Variants in GLYCTK observed in about 807,000 individuals in gnomAD.
The protein encoded by GLYCTK is glycerate kinase.
GLYCTK carries 22 observed loss-of-function variants against 24.8 expected under a neutral mutation model. The ratio of observed to expected loss-of-function variants is 0.89; its 90% CI spans 0.63 to 1.27. The LOEUF is 1.27. Ranked by LOEUF, GLYCTK falls within the 50% of genes most tolerant of loss-of-function variation. The probability of loss-of-function intolerance (pLI) is 0.00; values close to 1 mark genes in which losing one functional copy is unlikely to be tolerated. For synonymous variants in GLYCTK, 320 were observed against 297.2 expected, an observed-to-expected ratio of 1.08 and a Z score of -0.79; for missense variants, 684 against 686.7, an observed-to-expected ratio of 1.00 and a Z score of 0.04.
chr3:52,293,428 T>C lies in GLYCTK; in HGVS notation c.*302T>C, dbSNP rs750509932. 1 of 623,778 alleles carries C rather than the reference T, an allele frequency of 1.6e-6. No individual in the cohort carries two copies. Among genetic ancestry groups the C allele is most frequent in the South Asian group, 1.5e-5 (1 of 66,082 alleles). The allele number at this position is 623,778 out of a possible 1,614,324, so 38.6% of individuals were successfully genotyped here. ...TCTCTTGAGCCCCTCACCCTGTTTCTTTCTGTGAAGCGAGAATGTCTGAAA... is the reference window on the plus strand; with the variant it reads ...TCTCTTGAGCCCCTCACCCTGTTTCCTTCTGTGAAGCGAGAATGTCTGAAA... On this transcript the variant is annotated 3_prime_UTR_variant, in exon 5 of 5. Transcript: ENST00000436784.
Position 52,291,851 on chromosome 3 carries a change from T to G in GLYCTK, c.634T>G (p.Leu212Val). The G allele has an allele frequency of 6.2e-7, 1 of 1,613,696 alleles. No individual in the cohort carries two copies. The highest frequency in any genetic ancestry group is 1.1e-5 in the South Asian group (1 of 91,070). Residue 212 changes from leucine (L) to valine (V), a missense_variant, in exon 4 of 5, where the codon TTG becomes GTG. Coordinates refer to ENST00000436784, the MANE Select transcript of GLYCTK (RefSeq NM_145262.4). ...AGCCCGTGGAGCCACCATCCAGGAG[T>G]TGAACACCATTCGGAAGGCCCTGTC... ...LAARGATIQE[L>V]NTIRKALSQL...
Position 52,290,294 on chromosome 3 carries a change from T to A in GLYCTK, c.-39-10T>A, listed in dbSNP as rs769953777. ...CTTGCAAGGGCCTCAGTTGTGCTTT[T>A]TCCCTCTAGGCAGCCATGGGTGCCA... On this transcript the variant is annotated splice_polypyrimidine_tract_variant and intron_variant, in intron 1 of 4. Coordinates refer to ENST00000436784, the MANE Select transcript of GLYCTK (RefSeq NM_145262.4). 1 of 1,579,838 alleles carries A rather than the reference T, an allele frequency of 6.3e-7. No individual in the cohort carries two copies. Among genetic ancestry groups the A allele is most frequent in the Admixed American group, 1.7e-5 (1 of 58,982 alleles).
Position 52,291,891 on chromosome 3 carries a change from G to C in GLYCTK, c.674G>C (p.Gly225Ala). The change falls in exon 4 of 5, where the codon GGG (glycine) becomes GCG (alanine). Residue 225 changes from glycine to alanine, a missense_variant. Physicochemically the swap from Gly to Ala is moderately conservative, Grantham distance 60. Transcript: ENST00000436784. ...AAGGCCCTGTCCCAGCTCAAGGGTGGGGGGCTGGCTCAGGCCGCCTACCCT... is the reference window on the plus strand; with the variant it reads ...AAGGCCCTGTCCCAGCTCAAGGGTGCGGGGCTGGCTCAGGCCGCCTACCCT... Reference protein sequence around the residue: ...IRKALSQLKGGGLAQAAYPAQ... With the variant: ...IRKALSQLKGAGLAQAAYPAQ... 6.2e-7 allele frequency: 1 copy of C among 1,613,532 alleles called. No individual in the cohort carries two copies. The highest frequency in any genetic ancestry group is 8.5e-7 in the Non-Finnish European group (1 of 1,179,896).
intron 1 of GLYCTK, chr3:52,288,735 G>A (rs1209847504): frequency 6.6e-6 from 1 of 152,140 alleles, no homozygotes; most frequent in Non-Finnish European, 1.5e-5. Flanking sequence ...CTGGGAAATA[G>A]ATACAAATTT....
At chr3:52,291,703 G>A in intron 3 of GLYCTK, 44 bp from the exon 4 acceptor site, 1 of 1,593,730 alleles carries the variant, frequency 6.3e-7, no homozygotes. Context: ...TGGTTCCCTG[G>A]GTTGGGATAG....
intron 1 of GLYCTK, chr3:52,289,981 C>G: frequency 3.2e-6 from 1 of 314,364 alleles, no homozygotes; most frequent in Non-Finnish European, 6.0e-6. Flanking sequence ...ATTACTCCCT[C>G]TGTCAATGAT....
At chr3:52,290,760 A>T in intron 2 of GLYCTK, 41 bp downstream of exon 2, 1 of 1,601,476 alleles carries the variant, frequency 6.2e-7, no homozygotes, top group Non-Finnish European at 8.5e-7. Flanking sequence ...ATCTATCTGG[A>T]GGGAAACCTG....
Position 52,293,171 on chromosome 3 carries a change from C to G in GLYCTK, c.*45C>G. ...GGAGTTCAGAGGAGGCCTACAAGGG[C>G]AAGGTCAGATGGCAGAGCAAGGTTG... On this transcript the variant is annotated 3_prime_UTR_variant, in exon 5 of 5. Transcript: ENST00000436784. The G allele has an allele frequency of 6.2e-7, 1 of 1,607,748 alleles. No homozygotes were observed. Among genetic ancestry groups the G allele is most frequent in the Non-Finnish European group, 8.5e-7 (1 of 1,177,888 alleles).
rs1700447090 is a variant in GLYCTK at position 52,290,951 on chromosome 3, C to T, written c.378-9C>T. On this transcript the variant is annotated splice_polypyrimidine_tract_variant and intron_variant, in intron 2 of 4. Transcript: ENST00000436784. The stretch of plus-strand genomic sequence containing the variant: ...CCCATCTCTTGCGTGCTGACCTTTC[C>T]CTCCCCAGGGAGATGCTGCTGAAGC... 2 of 1,613,902 alleles carry T rather than the reference C, an allele frequency of 1.2e-6. No homozygotes were observed. Among genetic ancestry groups the T allele is most frequent in the Admixed American group, 1.7e-5 (1 of 59,998 alleles).
chr3:52,290,220 G>A, intron 1 of GLYCTK, 84 bp from the exon 2 acceptor site: 1 of 1,140,766 alleles, frequency 8.8e-7, no homozygotes, highest in Admixed American at 2.5e-5. Context: ...GGGGTCCACT[G>A]GCCCTGAGCC....
rs1256791616 is a variant in GLYCTK at position 52,290,984 on chromosome 3, C to T, written c.402C>T (p.Ser134=). ...GGGAGATGCTGCTGAAGCCACATAG[C>T]CGTGTCCAGGTATTCGAGGGTGCGG... ...GKQEMLLKPH[S]RVQVFEGAED... Residue 134 remains serine, a synonymous_variant, in exon 3 of 5, where the codon AGC becomes AGT. Transcript: ENST00000436784. 5 of 1,613,998 alleles carry T rather than the reference C, an allele frequency of 3.1e-6. No individual in the cohort carries two copies. The highest frequency in any genetic ancestry group is 4.2e-6 in the Non-Finnish European group (5 of 1,180,040).
chr3:52,292,637 A>T lies in GLYCTK; in HGVS notation c.1083A>T (p.Pro361=). The change falls in exon 5 of 5, where the codon CCA becomes CCT. Residue 361 remains proline (P), a synonymous_variant. Coordinates refer to ENST00000436784, the MANE Select transcript of GLYCTK (RefSeq NM_145262.4). ...LAHVARTRLT[P]SMAGASVEED... ...ATGTGGCTAGAACCCGCCTCACCCCATCCATGGCTGGGGCTTCTGTGGAGG... is the reference window on the plus strand; with the variant it reads ...ATGTGGCTAGAACCCGCCTCACCCCTTCCATGGCTGGGGCTTCTGTGGAGG... 2 of 1,608,958 alleles carry T rather than the reference A, an allele frequency of 1.2e-6. No homozygotes were observed. The highest frequency in any genetic ancestry group is 1.7e-6 in the Non-Finnish European group (2 of 1,176,348).
rs776694912 is a variant in GLYCTK, at chr3:52,294,196, C to G, written c.*1070C>G. The G allele has an allele frequency of 1.9e-6, 1 of 534,464 alleles. No homozygotes were observed. Among genetic ancestry groups the G allele is most frequent in the Non-Finnish European group, 3.8e-6 (1 of 260,010 alleles). 33.1% of individuals were successfully genotyped at this position (534,464 alleles called of 1,614,324 possible). On this transcript the variant is annotated 3_prime_UTR_variant, in exon 5 of 5. Coordinates refer to ENST00000436784, the MANE Select transcript of GLYCTK (RefSeq NM_145262.4). ...CTGCCTCCTTTTGAGCCCCCTTGCT[C>G]AGTGTCAGAACCCTCCGCTGGCTGT...
chr3:52,290,888 G>A, intron 2 of GLYCTK, 72 bp from the exon 3 acceptor site: 1 of 1,605,980 alleles, frequency 6.2e-7, no homozygotes, highest in South Asian at 1.1e-5. Context: ...CCCATCACCT[G>A]TAAAGTTGAG....
rs370143058 is a variant in GLYCTK at position 52,293,115 on chromosome 3, C to A, written c.1561C>A (p.Arg521=). 6.2e-7 allele frequency: 1 copy of A among 1,613,638 alleles called. No individual in the cohort carries two copies. The highest frequency in any genetic ancestry group is 8.5e-7 in the Non-Finnish European group (1 of 1,180,030). Residue 521 remains arginine, a synonymous_variant, in exon 5 of 5, where the codon CGG becomes AGG. Transcript: ENST00000436784. ...NVMDTHLLFL[R]PR ...CATGGACACCCACCTCTTGTTCCTG[C>A]GGCCTCGGTGATGGCATAGGTCACA...
At position 52,295,089 on chromosome 3, in the gene GLYCTK, C is replaced by G; in HGVS notation, c.*1963C>G. 2.2e-6 allele frequency: 1 copy of G among 454,070 alleles called. No individual in the cohort carries two copies. 28.1% of individuals were successfully genotyped at this position (454,070 alleles called of 1,614,324 possible). A position where few individuals can be genotyped will look rare whatever the true frequency, so the allele number is the denominator to read the frequency against. On this transcript the variant is annotated 3_prime_UTR_variant, in exon 5 of 5. Coordinates refer to ENST00000436784, the MANE Select transcript of GLYCTK (RefSeq NM_145262.4). ...AGGGCCCGGATTGGACCCCATAGGGCCAAATGGTCTGTGAGCCTAACCCGT... is the reference window on the plus strand; with the variant it reads ...AGGGCCCGGATTGGACCCCATAGGGGCAAATGGTCTGTGAGCCTAACCCGT...
rs775955431 is a variant in GLYCTK, at chr3:52,293,100, C to T, written c.1546C>T (p.His516Tyr). 3 of 1,614,020 alleles carry T rather than the reference C, an allele frequency of 1.9e-6. No individual in the cohort carries two copies. Among genetic ancestry groups the T allele is most frequent in the South Asian group, 2.2e-5 (2 of 91,084 alleles). The change falls in exon 5 of 5, where the codon CAC becomes TAC. Residue 516 changes from histidine (H) to tyrosine (Y), a missense_variant. His to Tyr is a moderately conservative substitution (Grantham distance 83, BLOSUM62 2). Transcript: ENST00000436784. ...GMTGTNVMDT[H>Y]LLFLRPR The stretch of plus-strand genomic sequence containing the variant: ...GACAGGTACCAATGTCATGGACACC[C>T]ACCTCTTGTTCCTGCGGCCTCGGTG...
In GLYCTK at chr3:52,291,801, A is replaced by G. The variant is rs1191931242; in HGVS notation, c.584A>G (p.Lys195Arg). ...ATCCCACCTGTCACACTGGAGGAGA[A>G]GCAGACACTCACTAGACTGCTGGCA... is the stretch of plus-strand genomic sequence containing the variant. ...APIPPVTLEE[K>R]QTLTRLLAAR... is the part of the protein sequence containing the mutation. The change falls in exon 4 of 5, where the codon AAG becomes AGG. Residue 195 changes from lysine to arginine, a missense_variant. Lys to Arg is a conservative substitution (Grantham distance 26, BLOSUM62 2). Transcript: ENST00000436784. 9.3e-6 allele frequency: 15 copies of G among 1,613,720 alleles called. No individual in the cohort carries two copies. Among genetic ancestry groups the G allele is most frequent in the Non-Finnish European group, 1.3e-5 (15 of 1,180,002 alleles).
chr3:52,293,628 G>A lies in GLYCTK; in HGVS notation c.*502G>A, dbSNP rs1016081174. 3 of 454,526 alleles carry A rather than the reference G, an allele frequency of 6.6e-6. No individual in the cohort carries two copies. In the Admixed American group the frequency reaches 7.0e-5, roughly 11 times the overall value. 28.2% of individuals were successfully genotyped at this position (454,526 alleles called of 1,614,324 possible). On this transcript the variant is annotated 3_prime_UTR_variant, in exon 5 of 5. Coordinates refer to ENST00000436784, the MANE Select transcript of GLYCTK (RefSeq NM_145262.4). ...GTGCAGGATGTGCCTCGCATAACGG[G>A]AGCCTGTGCCCATCCCTCTGGAGTG...
Sources: gnomAD v4.1 joint callset for allele counts on GRCh38, gnomAD v4.1.1 for gene constraint, MANE v1.5 for transcripts, NCBI Gene and HGNC (gene_info 2026-07-23, HGNC 2026-07-21) for gene names.